CNDP2: variants seen among roughly 807,000 people sequenced by gnomAD.
CNDP2 encodes carnosine dipeptidase 2.
Under a neutral mutation model 55.0 loss-of-function variants are expected in CNDP2, and 38 were observed. The ratio of observed to expected loss-of-function variants is 0.69; its 90% CI spans 0.53 to 0.90. The LOEUF is 0.90. Ranked by LOEUF, CNDP2 falls within the 40% of genes least tolerant of loss-of-function variation. The pLI is 0.00. For missense variants in CNDP2, 607 were observed against 621.7 expected, an observed-to-expected ratio of 0.98 and a Z score of 0.25; for synonymous variants, 241 against 260.2, an observed-to-expected ratio of 0.93 and a Z score of 0.71.
Position 74,501,349 on chromosome 18 carries a change from T to C in CNDP2, c.81T>C (p.Ala27=), listed in dbSNP as rs772852843. The part of the protein sequence containing the change: ...RYIKKLAKWV[A]IQSVSAWPEK... ...AACAGAAACTCGCAAAATGGGTGGC[T>C]ATCCAGAGTGTGTCTGCGTGGCCGG... Residue 27 remains alanine (A), a synonymous_variant, in exon 3 of 12, where the codon GCT becomes GCC. Transcript: ENST00000324262. 6.9e-5 allele frequency: 111 copies of C among 1,612,848 alleles called. No individual in the cohort carries two copies. Among genetic ancestry groups the C allele is most frequent in the Non-Finnish European group, 9.1e-5 (107 of 1,179,580 alleles).
intron 1 of CNDP2, chr18:74,499,210 G>A (rs1236653508): frequency 6.6e-6 from 1 of 152,188 alleles, no homozygotes; most frequent in Non-Finnish European, 1.5e-5. Context: ...AATTATAAAA[G>A]TCCCAATACC....
At chr18:74,510,083 A>G (rs1318817826) in intron 5 of CNDP2, among the ~76,000 whole-genome samples, 1 of 152,126 alleles carries the variant, frequency 6.6e-6, no homozygotes, top group Non-Finnish European at 1.5e-5. Context: ...TGGGGCAACC[A>G]AGTGTGACAG....
At chr18:74,503,454 G>C (rs1167333362) in intron 3 of CNDP2, among the ~76,000 whole-genome samples, 2 of 152,212 alleles carry the variant, frequency 1.3e-5, no homozygotes, top group Non-Finnish European at 2.9e-5. Flanking sequence ...AGAAGTCAGA[G>C]TATTTTCAGC....
chr18:74,513,166 G>C (rs371540414), intron 7 of CNDP2, among the ~76,000 whole-genome samples: 2 of 152,236 alleles, frequency 1.3e-5, no homozygotes, highest in Non-Finnish European at 2.9e-5. Context: ...GCAGTGTGGT[G>C]GTTGTTAGAG....
At chr18:74,509,065 CA>C (rs879793522) in intron 5 of CNDP2, 137 bp downstream of exon 5, 120 of 653,496 alleles carry the variant, frequency 1.8e-4, no homozygotes, top group Non-Finnish European at 2.8e-4. Flanking sequence ...CTTATCAGCA[CA>C]GATGACTCGG....
At chr18:74,514,129 C>G (rs1163727175) in intron 8 of CNDP2, among the ~76,000 whole-genome samples, 1 of 152,226 alleles carries the variant, frequency 6.6e-6, no homozygotes, top group Non-Finnish European at 1.5e-5. Context: ...TCTTAATAGG[C>G]TGTAGGTTTA....
intron 3 of CNDP2, among the ~76,000 whole-genome samples, chr18:74,502,572 C>T (rs888058624): frequency 6.6e-6 from 1 of 151,680 alleles, no homozygotes; most frequent in Non-Finnish European, 1.5e-5. Flanking sequence ...CAAATTGTCA[C>T]GCCACCATAC....
At chr18:74,516,465 T>A in intron 9 of CNDP2, 73 bp downstream of exon 9, 1 of 1,424,976 alleles carries the variant, frequency 7.0e-7, no homozygotes, top group Non-Finnish European at 9.4e-7. Context: ...TAATATAGGC[T>A]GTTACTCGAC....
chr18:74,501,613 G>T (rs142843369), intron 3 of CNDP2, 141 bp downstream of exon 3: 1 of 1,119,980 alleles, frequency 8.9e-7, no homozygotes, highest in Admixed American at 2.9e-5. Context: ...GGCCTGATTT[G>T]GATGGTAAGT....
At chr18:74,515,136 G>C (rs1267052335) in intron 8 of CNDP2, among the ~76,000 whole-genome samples, 1 of 152,244 alleles carries the variant, frequency 6.6e-6, no homozygotes, top group African/African-American at 2.4e-5. Context: ...ATGCCGGCCT[G>C]ATGGCCTGGG....
intron 9 of CNDP2, 166 bp from the exon 10 acceptor site, chr18:74,518,333 C>CAGAAAATG (rs766781439): frequency 3.4e-5 from 22 of 639,482 alleles, no homozygotes; most frequent in Non-Finnish European, 5.4e-5. Context: ...TATTAAGCAA[C>CAGAAAATG]AGAAAATGAG....
At chr18:74,503,192 A>C (rs1232562873) in intron 3 of CNDP2, among the ~76,000 whole-genome samples, 1 of 151,848 alleles carries the variant, frequency 6.6e-6, no homozygotes, top group Non-Finnish European at 1.5e-5. Context: ...TGCAATTCTT[A>C]AGAAAGGGCC....
rs1979322020 is a variant in CNDP2, at chr18:74,511,007, C to T, written c.651C>T (p.Phe217=). 2 of 1,613,626 alleles carry T rather than the reference C, an allele frequency of 1.2e-6. No homozygotes were observed. The highest frequency in any genetic ancestry group is 1.7e-6 in the Non-Finnish European group (2 of 1,179,766). The change falls in exon 6 of 12, where the codon TTC becomes TTT. Residue 217 remains phenylalanine, a synonymous_variant. Transcript: ENST00000324262. ...GCCTCAGGGGCATTTGCTACTTTTT[C>T]ATCGAGGTACAGTGCCAAGCTGTAC... ...TYGLRGICYF[F]IEVECSNKDL... is the part of the protein sequence containing the mutation.
chr18:74,499,287 A>G (rs955745089), intron 1 of CNDP2: 3 of 152,350 alleles, frequency 2.0e-5, no homozygotes, highest in Non-Finnish European at 4.4e-5. Context: ...TTTCACCTCT[A>G]TCTGTGAGTG....
chr18:74,500,091 G>C, intron 2 of CNDP2, 58 bp downstream of exon 2: 1 of 1,471,488 alleles, frequency 6.8e-7, no homozygotes, highest in Non-Finnish European at 9.5e-7. Flanking sequence ...ATGGGGCCCA[G>C]AGAAGTTGTC....
chr18:74,508,643 G>C, intron 4 of CNDP2, 197 bp from the exon 5 acceptor site: 1 of 560,754 alleles, frequency 1.8e-6, no homozygotes, highest in South Asian at 2.2e-5. Flanking sequence ...GCATCCACGT[G>C]GCTTATCTCT....
chr18:74,509,027 G>A, intron 5 of CNDP2, 99 bp downstream of exon 5: 3 of 980,154 alleles, frequency 3.1e-6, no homozygotes, highest in Non-Finnish European at 4.7e-6. Context: ...AAGCTCACAG[G>A]AAAAGATAAG....
At chr18:74,503,675 G>C (rs61102330) in intron 3 of CNDP2, among the ~76,000 whole-genome samples, 3 of 152,246 alleles carry the variant, frequency 2.0e-5, no homozygotes, top group Non-Finnish European at 4.4e-5. Context: ...TGGGACCAGA[G>C]CAGAGAGATT....
chr18:74,506,104 T>C (rs1979010124), intron 4 of CNDP2, 93 bp downstream of exon 4: 5 of 1,115,026 alleles, frequency 4.5e-6, no homozygotes, highest in South Asian at 3.2e-5. Context: ...GTACAGACTG[T>C]TTTTATTTTA....
Sources: allele counts gnomAD v4.1 joint callset (sites outside exome capture counted in the v4.1 genomes callset), GRCh38; gene constraint gnomAD v4.1.1; transcripts MANE v1.5; gene names NCBI Gene and HGNC (gene_info 2026-07-23, HGNC 2026-07-21).